PCDH9: variants seen among roughly 807,000 people sequenced by gnomAD.
PCDH9 encodes protocadherin-9.
PCDH9 carries 24 observed loss-of-function variants against 70.6 expected under a neutral mutation model. The observed-to-expected ratio is 0.34, with a 90% CI of 0.25 to 0.48. The LOEUF is 0.48. Among genes scored for constraint, PCDH9 ranks in the 20% least tolerant of loss-of-function variants. The probability of loss-of-function intolerance (pLI) is 0.99; values close to 1 mark genes in which losing one functional copy is unlikely to be tolerated. For synonymous variants in PCDH9, 562 were observed against 558.5 expected, an observed-to-expected ratio of 1.01 and a Z score of -0.09; for missense variants, 1,281 against 1,503.6, an observed-to-expected ratio of 0.85 and a Z score of 2.45.
intron 4 of PCDH9, among the ~76,000 whole-genome samples, chr13:66,359,452 A>G (rs921378651): frequency 1.3e-5 from 2 of 152,024 alleles, no homozygotes; most frequent in Non-Finnish European, 2.9e-5. Context: ...GTCATCACTC[A>G]TAATAGTGGA....
At chr13:66,564,823 C>G (rs187654098) in intron 4 of PCDH9, among the ~76,000 whole-genome samples, 4 of 151,310 alleles carry the variant, frequency 2.6e-5, no homozygotes, top group African/African-American at 9.7e-5. Flanking sequence ...AATGCAAATA[C>G]AAAATTAAAC....
At chr13:66,667,883 G>GA (rs1206482372) in intron 3 of PCDH9, among the ~76,000 whole-genome samples, 2 of 152,024 alleles carry the variant, frequency 1.3e-5, no homozygotes, top group East Asian at 1.9e-4. Flanking sequence ...AAGTAGTGGG[G>GA]AAAAAACCTG....
At chr13:67,002,555 T>C (rs1429163010) in intron 2 of PCDH9, among the ~76,000 whole-genome samples, 1 of 151,112 alleles carries the variant, frequency 6.6e-6, no homozygotes, top group Non-Finnish European at 1.5e-5. Flanking sequence ...ACATTTCTCA[T>C]TTCTCTTTTT....
At chr13:67,012,875 A>C (rs895064649) in intron 2 of PCDH9, among the ~76,000 whole-genome samples, 1 of 152,006 alleles carries the variant, frequency 6.6e-6, no homozygotes, top group Non-Finnish European at 1.5e-5. Context: ...AGCGGACCTA[A>C]GTGTAAATTG....
At chr13:66,881,098 A>G (rs965146831) in intron 3 of PCDH9, among the ~76,000 whole-genome samples, 6 of 152,230 alleles carry the variant, frequency 3.9e-5, no homozygotes, top group African/African-American at 1.4e-4. Context: ...GTCAGCTAGT[A>G]GTAGTTAGAC....
At chr13:66,432,920 T>C (rs1473185696) in intron 4 of PCDH9, among the ~76,000 whole-genome samples, 1 of 152,010 alleles carries the variant, frequency 6.6e-6, no homozygotes, top group Admixed American at 6.6e-5. Context: ...GCATAGACTG[T>C]GCATACCAGA....
chr13:66,539,132 T>C (rs987501153), intron 4 of PCDH9, among the ~76,000 whole-genome samples: 5 of 152,206 alleles, frequency 3.3e-5, no homozygotes, highest in African/African-American at 1.2e-4. Context: ...TCATAGAAGA[T>C]TTTAGAATTA....
At chr13:66,459,796 G>C (rs1032677717) in intron 4 of PCDH9, among the ~76,000 whole-genome samples, 13 of 152,024 alleles carry the variant, frequency 8.6e-5, no homozygotes, top group African/African-American at 2.4e-4. Context: ...TCAGATTCTA[G>C]ATTCAATACA....
intron 2 of PCDH9, chr13:67,210,100 C>T (rs2089438303): frequency 6.6e-6 from 1 of 151,948 alleles, no homozygotes. Context: ...GCTAAAGTCA[C>T]CTTAATGTGT....
chr13:66,500,826 T>C (rs1466653038), intron 4 of PCDH9, among the ~76,000 whole-genome samples: 1 of 152,126 alleles, frequency 6.6e-6, no homozygotes, highest in Admixed American at 6.5e-5. Context: ...TATTCTAATA[T>C]TATAATGCCA....
intron 2 of PCDH9, among the ~76,000 whole-genome samples, chr13:67,052,776 A>G (rs2085346829): frequency 6.6e-6 from 1 of 152,142 alleles, no homozygotes; most frequent in East Asian, 1.9e-4. Flanking sequence ...GATTTATTCG[A>G]CGGTGGAGGC....
At position 66,304,472 on chromosome 13, in the gene PCDH9, T is replaced by A. The variant is rs568802822; in HGVS notation, c.*183A>T. ...ATCAATTCTAGTAAACAAAATTGCA[T>A]GGCTAGAACTATCTTCTCTCATATG... On this transcript the variant is annotated 3_prime_UTR_variant, in exon 5 of 5. Coordinates refer to ENST00000377865, the MANE Select transcript of PCDH9 (RefSeq NM_203487.3). The A allele has an allele frequency of 8.9e-6, 5 of 560,132 alleles. No homozygotes were observed. Among genetic ancestry groups the A allele is most frequent in the Non-Finnish European group, 1.6e-5 (5 of 316,652 alleles). 34.7% of individuals were successfully genotyped at this position (560,132 alleles called of 1,614,324 possible). A position where few individuals can be genotyped will look rare whatever the true frequency, so the allele number is the denominator to read the frequency against.
intron 4 of PCDH9, among the ~76,000 whole-genome samples, chr13:66,435,874 T>G (rs1233799604): frequency 6.6e-6 from 1 of 152,168 alleles, no homozygotes; most frequent in Non-Finnish European, 1.5e-5. Context: ...AGAAGAAAGT[T>G]ATTTTCTCTA....
At chr13:66,656,085 G>A (rs1371070590) in intron 3 of PCDH9, among the ~76,000 whole-genome samples, 1 of 151,496 alleles carries the variant, frequency 6.6e-6, no homozygotes, top group East Asian at 1.9e-4. Flanking sequence ...TGCCAGAAAA[G>A]CAGGCATGTT....
chr13:66,904,135 A>C (rs1395593420), intron 2 of PCDH9, among the ~76,000 whole-genome samples: 1 of 151,994 alleles, frequency 6.6e-6, no homozygotes, highest in Non-Finnish European at 1.5e-5. Context: ...GAAATAGATA[A>C]AACTGAAAAA....
At chr13:66,457,808 C>A (rs1026499496) in intron 4 of PCDH9, among the ~76,000 whole-genome samples, 1 of 152,124 alleles carries the variant, frequency 6.6e-6, no homozygotes, top group South Asian at 2.1e-4. Context: ...TCATCTTCCT[C>A]TAGAAAGTTT....
At chr13:66,525,276 C>T (rs1960163248) in intron 4 of PCDH9, among the ~76,000 whole-genome samples, 1 of 152,018 alleles carries the variant, frequency 6.6e-6, no homozygotes, top group Non-Finnish European at 1.5e-5. Flanking sequence ...TGAAGCATTC[C>T]CCCAGTTTAC....
chr13:66,678,864 C>A (rs549865468), intron 3 of PCDH9, among the ~76,000 whole-genome samples: 1 of 151,696 alleles, frequency 6.6e-6, no homozygotes, highest in Non-Finnish European at 1.5e-5. Context: ...TTAGTATGTT[C>A]TTTTGCAAGA....
intron 2 of PCDH9, among the ~76,000 whole-genome samples, chr13:67,137,032 T>C (rs752131364): frequency 3.3e-5 from 5 of 151,934 alleles, no homozygotes; most frequent in Non-Finnish European, 5.9e-5. Context: ...AAATGATGAG[T>C]TAATGGGTGC....
Sources: gnomAD v4.1 joint callset for allele counts (sites outside exome capture counted in the v4.1 genomes callset) on GRCh38, gnomAD v4.1.1 for gene constraint, MANE v1.5 for transcripts, NCBI Gene and HGNC (gene_info 2026-07-23, HGNC 2026-07-21) for gene names.